TEX11: variants seen among roughly 807,000 people sequenced by gnomAD.
TEX11 encodes the protein testis expressed 11.
A neutral mutation model predicts 84.4 loss-of-function variants in TEX11; 7 were observed. The ratio of observed to expected loss-of-function variants is 0.08; its 90% CI spans 0.05 to 0.16. The LOEUF is 0.16. Ranked by LOEUF, TEX11 falls within the 10% of genes least tolerant of loss-of-function variation. The pLI is 1.00. For missense variants in TEX11, 551 were observed against 660.5 expected, an observed-to-expected ratio of 0.83 and a Z score of 1.82; for synonymous variants, 264 against 222.8, an observed-to-expected ratio of 1.18 and a Z score of -1.64.
At chrX:70,815,197 G>T (rs73544798) in intron 8 of TEX11, among the ~76,000 whole-genome samples, 1 of 111,919 alleles carries the variant, frequency 8.9e-6, no homozygotes, top group Non-Finnish European at 1.9e-5. Flanking sequence ...AATTACAAGA[G>T]TCTCAAATAT....
chrX:70,645,259 T>C (rs751903086), intron 17 of TEX11, among the ~76,000 whole-genome samples: 1 of 110,489 alleles, frequency 9.1e-6, no homozygotes, highest in East Asian at 2.8e-4. Context: ...ATGGAAATCA[T>C]TTCACAAAAT....
chrX:70,711,467 T>C (rs1347673152), intron 13 of TEX11, among the ~76,000 whole-genome samples: 1 of 109,518 alleles, frequency 9.1e-6, no homozygotes, highest in Non-Finnish European at 1.9e-5. Flanking sequence ...CCTGACTTTT[T>C]AATGATCGCC....
intron 10 of TEX11, among the ~76,000 whole-genome samples, chrX:70,742,527 G>C (rs1011037402): frequency 2.7e-5 from 3 of 109,299 alleles, no homozygotes; most frequent in Admixed American, 2.0e-4. Context: ...CCAGGTGTTT[G>C]AGACCAGCCC....
intron 9 of TEX11, among the ~76,000 whole-genome samples, chrX:70,792,161 G>A (rs1238352071): frequency 1.0e-5 from 1 of 95,964 alleles, no homozygotes; most frequent in East Asian, 3.3e-4. Flanking sequence ...CATGGTACAC[G>A]CCTGTAGTTC....
At chrX:70,662,266 C>T (rs1407071968) in intron 16 of TEX11, among the ~76,000 whole-genome samples, 2 of 110,285 alleles carry the variant, frequency 1.8e-5, no homozygotes, top group African/African-American at 3.3e-5. Context: ...AGGGTATCAG[C>T]GATGGAAGAT....
chrX:70,565,345 T>C (rs1285942638), intron 25 of TEX11, among the ~76,000 whole-genome samples: 1 of 107,758 alleles, frequency 9.3e-6, no homozygotes, highest in Non-Finnish European at 1.9e-5. Context: ...TTCTCCCATT[T>C]TGTAGGTTGC....
intron 7 of TEX11, among the ~76,000 whole-genome samples, chrX:70,850,510 G>T (rs1334181454): frequency 9.2e-6 from 1 of 108,295 alleles, no homozygotes; most frequent in African/African-American, 3.4e-5. Context: ...GGGAGGGCAA[G>T]GTGGGAGAAT....
chrX:70,584,644 C>A (rs1016425251), intron 25 of TEX11, among the ~76,000 whole-genome samples: 13 of 111,473 alleles, frequency 1.2e-4, no homozygotes, highest in Non-Finnish European at 1.7e-4. Context: ...ATTAAAAAAA[C>A]CCCATGAAAA....
chrX:70,681,292 A>G (rs1345667542), intron 14 of TEX11, among the ~76,000 whole-genome samples: 2 of 112,579 alleles, frequency 1.8e-5, no homozygotes, highest in African/African-American at 6.4e-5. Context: ...TACTTGAAAT[A>G]TTATAATACT....
intron 8 of TEX11, among the ~76,000 whole-genome samples, chrX:70,811,735 G>GT (rs1410326572): frequency 1.8e-5 from 2 of 110,377 alleles, no homozygotes; most frequent in African/African-American, 6.6e-5. Context: ...GTGTGAGATG[G>GT]TATCTCATTG....
downstream of TEX11, among the ~76,000 whole-genome samples, chrX:70,524,993 G>A (rs1345874831): frequency 9.0e-6 from 1 of 111,358 alleles, no homozygotes; most frequent in Non-Finnish European, 1.9e-5. Context: ...GGACAACATA[G>A]TGAGACCTCA....
chrX:70,570,503 C>A (rs111783959), intron 25 of TEX11, among the ~76,000 whole-genome samples: 2 of 112,082 alleles, frequency 1.8e-5, no homozygotes, highest in African/African-American at 6.5e-5. Context: ...CTGCGTCGCT[C>A]ACGCTGGGAG....
At chrX:70,765,846 C>T (rs749261824) in intron 9 of TEX11, among the ~76,000 whole-genome samples, 1 of 111,942 alleles carries the variant, frequency 8.9e-6, no homozygotes, top group African/African-American at 3.2e-5. Flanking sequence ...GTCAAATTAT[C>T]TTTGCTTGCA....
At chrX:70,779,970 A>G (rs1388527749) in intron 9 of TEX11, among the ~76,000 whole-genome samples, 1 of 112,117 alleles carries the variant, frequency 8.9e-6, no homozygotes, top group Non-Finnish European at 1.9e-5. Flanking sequence ...TATAAAACAT[A>G]TATTAAAAAC....
intron 16 of TEX11, among the ~76,000 whole-genome samples, chrX:70,656,192 G>C (rs1293046441): frequency 9.2e-6 from 1 of 108,913 alleles, no homozygotes; most frequent in Non-Finnish European, 1.9e-5. Context: ...GGGAGGCTGA[G>C]GTGAGAGGAT....
downstream of TEX11, among the ~76,000 whole-genome samples, chrX:70,524,114 T>C (rs1327674519): frequency 8.9e-6 from 1 of 111,961 alleles, no homozygotes; most frequent in Non-Finnish European, 1.9e-5. Flanking sequence ...AGTACAATTA[T>C]TGAGCAGGCA....
intron 7 of TEX11, among the ~76,000 whole-genome samples, chrX:70,836,819 C>A (rs1301896048): frequency 1.8e-5 from 2 of 111,623 alleles, no homozygotes; most frequent in Admixed American, 1.9e-4. Flanking sequence ...CAGTTTGAGA[C>A]AAGCCTGGCC....
intron 25 of TEX11, among the ~76,000 whole-genome samples, chrX:70,567,213 T>C (rs1430418576): frequency 9.0e-6 from 1 of 111,228 alleles, no homozygotes; most frequent in Non-Finnish European, 1.9e-5. Flanking sequence ...TAGTATTCTC[T>C]GATGGTAGTT....
chrX:70,739,474 C>T (rs975289267), intron 11 of TEX11, among the ~76,000 whole-genome samples: 14 of 102,435 alleles, frequency 1.4e-4, no homozygotes, highest in East Asian at 6.1e-4. Flanking sequence ...TGCAGTGGTG[C>T]GATCTCGGCT....
Sources: allele counts gnomAD v4.1 joint callset (sites outside exome capture counted in the v4.1 genomes callset), GRCh38; gene constraint gnomAD v4.1.1; transcripts MANE v1.5; gene names NCBI Gene and HGNC (gene_info 2026-07-23, HGNC 2026-07-21).